Variants in PTPRT observed in about 807,000 individuals in gnomAD.
PTPRT encodes the protein protein tyrosine phosphatase receptor type T.
PTPRT carries 56 observed loss-of-function variants against 176.8 expected under a neutral mutation model. The observed-to-expected ratio is 0.32, with a 90% CI of 0.26 to 0.40. The LOEUF is 0.40. Among genes scored for constraint, PTPRT ranks in the 10% least tolerant of loss-of-function variants. The pLI is 1.00. For synonymous variants in PTPRT, 783 were observed against 739.0 expected (o/e 1.06, Z -0.96); for missense variants, 1,540 against 1,908.2 (o/e 0.81, Z 3.60).
rs559465594 is a variant in PTPRT, at chr20:42,138,657, T to C, written c.2770+3258A>G. On this transcript the variant is annotated intron_variant, in intron 18 of 30. Coordinates refer to ENST00000373187, the MANE Select transcript of PTPRT (RefSeq NM_007050.6). ...GCTTTGGGATTCTTGAATTTCCCCT[T>C]GCCAACAGTCGCTGCCCTAGAGTTA... 1.4e-3 allele frequency among the ~76,000 whole-genome samples: 208 copies of C among 152,314 alleles called. 1 individual carries two copies. The highest frequency in any genetic ancestry group is 4.6e-3 in the African/African-American group (193 of 41,570).
At chr20:42,436,189 G>A (rs949458878) in intron 9 of PTPRT, among the ~76,000 whole-genome samples, 3 of 152,018 alleles carry the variant, frequency 2.0e-5, no homozygotes, top group African/African-American at 7.3e-5. Context: ...CTTGGTTTAG[G>A]GAAGAATTTC....
At chr20:42,330,947 C>G (rs1430228302) in intron 11 of PTPRT, among the ~76,000 whole-genome samples, 2 of 152,322 alleles carry the variant, frequency 1.3e-5, no homozygotes, top group East Asian at 1.9e-4. Context: ...GAGGTCCCAA[C>G]TTATTTCATT....
chr20:42,555,069 C>T (rs1476335378), intron 7 of PTPRT, among the ~76,000 whole-genome samples: 3 of 152,134 alleles, frequency 2.0e-5, no homozygotes, highest in Non-Finnish European at 4.4e-5. Flanking sequence ...GTCAGCAGAT[C>T]AGATTGTGGG....
intron 7 of PTPRT, 130 bp from the exon 8 acceptor site, chr20:42,472,692 T>C (rs2071220294): frequency 5.5e-6 from 5 of 916,298 alleles, no homozygotes; most frequent in Non-Finnish European, 8.0e-6. Context: ...GCCATCATGA[T>C]TTTTGACACA....
At chr20:42,196,629 G>A (rs1991227848) in intron 16 of PTPRT, among the ~76,000 whole-genome samples, 2 of 152,242 alleles carry the variant, frequency 1.3e-5, no homozygotes, top group South Asian at 4.2e-4. Flanking sequence ...TTATAGCTAG[G>A]ATGTTCCTTT....
intron 6 of PTPRT, among the ~76,000 whole-genome samples, chr20:42,726,481 C>A (rs892363281): frequency 2.6e-5 from 4 of 152,226 alleles, no homozygotes; most frequent in African/African-American, 9.6e-5. Flanking sequence ...GGTCCTATTG[C>A]TGAGGTGTTA....
intron 7 of PTPRT, among the ~76,000 whole-genome samples, chr20:42,572,076 A>G (rs1057463096): frequency 1.3e-5 from 2 of 152,154 alleles, no homozygotes; most frequent in East Asian, 3.9e-4. Context: ...TCCAGAATAT[A>G]TGATGTCTGG....
intron 7 of PTPRT, among the ~76,000 whole-genome samples, chr20:42,484,476 T>G (rs377752683): frequency 4.6e-5 from 7 of 152,348 alleles, no homozygotes; most frequent in African/African-American, 1.7e-4. Context: ...TGTTCCATGT[T>G]GATTTTGGCA....
chr20:42,664,304 TG>T (rs1299142467), intron 7 of PTPRT, among the ~76,000 whole-genome samples: 3 of 152,132 alleles, frequency 2.0e-5, no homozygotes, highest in Non-Finnish European at 4.4e-5. Context: ...TTTTGTCACA[TG>T]TTTTCCCACA....
At chr20:43,018,612 G>A (rs983342364) in intron 1 of PTPRT, among the ~76,000 whole-genome samples, 1 of 152,058 alleles carries the variant, frequency 6.6e-6, no homozygotes, top group African/African-American at 2.4e-5. Context: ...TATGATAAAA[G>A]GTTAATATCC....
chr20:42,746,803 A>G (rs1005180923), intron 6 of PTPRT, among the ~76,000 whole-genome samples: 7 of 152,136 alleles, frequency 4.6e-5, no homozygotes, highest in African/African-American at 1.7e-4. Context: ...CAGGCATGAG[A>G]TGAGAGGAGG....
chr20:42,115,098 G>T, intron 22 of PTPRT, 101 bp downstream of exon 22: 1 of 833,688 alleles, frequency 1.2e-6, no homozygotes, highest in Admixed American at 1.8e-5. Flanking sequence ...CCAAGTATGG[G>T]GCTGGACGTA....
At chr20:42,434,072 TAA>T (rs561044741) in intron 9 of PTPRT, among the ~76,000 whole-genome samples, 1 of 146,662 alleles carries the variant, frequency 6.8e-6, no homozygotes, top group Non-Finnish European at 1.5e-5. Context: ...TAGTGAAAAT[TAA>T]AAAAAAAAAG....
chr20:42,557,492 G>GAC (rs1451409864), intron 7 of PTPRT, among the ~76,000 whole-genome samples: 4 of 152,044 alleles, frequency 2.6e-5, no homozygotes, highest in African/African-American at 9.7e-5. Flanking sequence ...AAGTAAAACT[G>GAC]ACTCATAACC....
At chr20:43,155,568 A>T (rs933460210) in intron 1 of PTPRT, among the ~76,000 whole-genome samples, 6 of 152,188 alleles carry the variant, frequency 3.9e-5, no homozygotes, top group African/African-American at 7.2e-5. Flanking sequence ...CAAAAGATAC[A>T]TCATTACAGT....
chr20:42,592,982 ACT>A (rs2073606441), intron 7 of PTPRT, among the ~76,000 whole-genome samples: 1 of 152,072 alleles, frequency 6.6e-6, no homozygotes, highest in Admixed American at 6.5e-5. Flanking sequence ...CATATGAAAA[ACT>A]CAGCCATTGG....
At chr20:42,247,098 T>C (rs1224329517) in intron 14 of PTPRT, among the ~76,000 whole-genome samples, 1 of 152,198 alleles carries the variant, frequency 6.6e-6, no homozygotes, top group Non-Finnish European at 1.5e-5. Context: ...AATATTAACA[T>C]AATACCTTCT....
At chr20:42,409,481 CAAAAAAAAAAAAAAAAAAA>C (rs58932390) in intron 9 of PTPRT, among the ~76,000 whole-genome samples, 11 of 112,144 alleles carry the variant, frequency 9.8e-5, no homozygotes, top group South Asian at 3.1e-4. Flanking sequence ...GACTCTGTCG[CAAAAAAAAAAAAAAAAAAA>C]AAAAAAAAAA....
chr20:42,893,379 G>A (rs1222603688), intron 1 of PTPRT, among the ~76,000 whole-genome samples: 1 of 152,132 alleles, frequency 6.6e-6, no homozygotes, highest in African/African-American at 2.4e-5. Context: ...TGGAGAGGAT[G>A]TGGAGAAATA....
Sources: allele counts gnomAD v4.1 joint callset (sites outside exome capture counted in the v4.1 genomes callset), GRCh38; gene constraint gnomAD v4.1.1; transcripts MANE v1.5; gene names NCBI Gene and HGNC (gene_info 2026-07-23, HGNC 2026-07-21).